NKAIN1: variants seen among roughly 807,000 people sequenced by gnomAD.
The protein encoded by NKAIN1 is sodium/potassium transporting ATPase interacting 1.
NKAIN1 carries 13 observed loss-of-function variants against 31.6 expected under a neutral mutation model. That is an observed-to-expected ratio of 0.41 (90% CI 0.27 to 0.65). The LOEUF is 0.65. NKAIN1 is among the 30% of genes least tolerant of loss of function. NKAIN1 has a pLI of 0.30. For synonymous variants in NKAIN1, 104 were observed against 109.0 expected, an observed-to-expected ratio of 0.95 and a Z score of 0.28; for missense variants, 193 against 262.2, an observed-to-expected ratio of 0.74 and a Z score of 1.82.
At chr1:31,183,436 C>CTTTTTTTTTTTTTTTTTTTTTTTTTTTTT (rs3046278) in intron 4 of NKAIN1, among the ~76,000 whole-genome samples, 1 of 106,718 alleles carries the variant, frequency 9.4e-6, no homozygotes, top group East Asian at 3.4e-4. Flanking sequence ...TTCATTCCCT[C>CTTTTTTTTTTTTTTTTTTTTTTTTTTTTT]TTTTTTTTTT....
At position 31,209,989 on chromosome 1, in the gene NKAIN1, T is replaced by TTAA. The variant is rs1338333014; in HGVS notation, c.55-21803_55-21802insTTA. Among the ~76,000 whole-genome samples, 3 of 137,180 alleles carry TTAA rather than the reference T, an allele frequency of 2.2e-5. No individual in the cohort carries two copies. The East Asian group carries it at 6.4e-4, about 29-fold the overall frequency. The allele number at this position is 137,180 out of a possible 152,430, so 90.0% of individuals were successfully genotyped here. On this transcript the variant is annotated intron_variant, in intron 1 of 6. Coordinates refer to ENST00000373736, the MANE Select transcript of NKAIN1 (RefSeq NM_024522.3). Reference sequence around the variant, plus strand: ...GCAACAGAGCATGACCCTGTCTTATTAAAAAAAAAAAAAAAAGATAAGAAT... The same window carrying TTAA: ...GCAACAGAGCATGACCCTGTCTTATTTAAAAAAAAAAAAAAAAAAGATAAGAAT...
chr1:31,202,418 C>T (rs1439875905), intron 1 of NKAIN1, among the ~76,000 whole-genome samples: 1 of 152,202 alleles, frequency 6.6e-6, no homozygotes, highest in Non-Finnish European at 1.5e-5. Context: ...TCATTCATCT[C>T]TGTATTCCCA....
At chr1:31,225,973 T>C (rs1645600970) in intron 1 of NKAIN1, among the ~76,000 whole-genome samples, 1 of 152,264 alleles carries the variant, frequency 6.6e-6, no homozygotes, top group East Asian at 1.9e-4. Flanking sequence ...ACTCAACTTA[T>C]GCTTCTTGAG....
rs180919713 is a variant in NKAIN1 at position 31,225,489 on chromosome 1, T to C, written c.54+14005A>G. On this transcript the variant is annotated intron_variant, in intron 1 of 6. Transcript: ENST00000373736. Reference sequence around the variant, plus strand: ...GACTACAGGCACCCACCGACATGCCTGGCTAATTTTTGTATTTTTAGTAGA... The same window carrying C: ...GACTACAGGCACCCACCGACATGCCCGGCTAATTTTTGTATTTTTAGTAGA... Among the ~76,000 whole-genome samples the C allele has an allele frequency of 2.2e-3, 330 of 151,814 alleles. 1 individual carries two copies. The highest frequency in any genetic ancestry group is 1.8e-3 in the Non-Finnish European group (125 of 67,914).
At position 31,183,919 on chromosome 1, in the gene NKAIN1, G is replaced by A. The variant is rs1398506466; in HGVS notation, c.369C>T (p.Ser123=). 6.2e-6 allele frequency: 10 copies of A among 1,614,008 alleles called. No individual in the cohort carries two copies. The East Asian group carries it at 2.0e-4, about 32-fold the overall frequency. The part of the protein sequence containing the change: ...PGCLVTPVLN[S]RLALEDHHVI... ...CATGGTGGTCCTCCAGAGCCAGGCG[G>A]GAGTTCAGAACAGGTGTCACCAGGC... is the stretch of plus-strand genomic sequence containing the variant. The change falls in exon 4 of 7, where the codon TCC becomes TCT. Residue 123 remains serine, a synonymous_variant. Coordinates refer to ENST00000373736, the MANE Select transcript of NKAIN1 (RefSeq NM_024522.3).
intron 1 of NKAIN1, among the ~76,000 whole-genome samples, chr1:31,222,679 GAAC>G (rs1436008873): frequency 6.6e-6 from 1 of 152,170 alleles, no homozygotes. Context: ...AGGAAGCTCA[GAAC>G]AACTGAGGCC....
At chr1:31,230,878 A>ATTTTT (rs35096054) in intron 1 of NKAIN1, among the ~76,000 whole-genome samples, 2 of 79,284 alleles carry the variant, frequency 2.5e-5, no homozygotes, top group Non-Finnish European at 5.0e-5. Context: ...TCTTTGGGTT[A>ATTTTT]TTTTTTTTTT....
chr1:31,186,006 T>C (rs1433525032), intron 2 of NKAIN1, among the ~76,000 whole-genome samples: 1 of 150,006 alleles, frequency 6.7e-6, no homozygotes, highest in African/African-American at 2.5e-5. Flanking sequence ...GGTGGGCAGA[T>C]CATTTGAGCT....
At chr1:31,187,084 C>T (rs1383708779) in intron 2 of NKAIN1, among the ~76,000 whole-genome samples, 1 of 152,176 alleles carries the variant, frequency 6.6e-6, no homozygotes, top group Non-Finnish European at 1.5e-5. Flanking sequence ...TCTCTTATGT[C>T]AGATGAGAGA....
At chr1:31,209,237 T>C (rs1466484978) in intron 1 of NKAIN1, among the ~76,000 whole-genome samples, 2 of 152,172 alleles carry the variant, frequency 1.3e-5, no homozygotes, top group Non-Finnish European at 2.9e-5. Context: ...TAGCTGGGCT[T>C]GGTGGTGGGC....
chr1:31,218,938 A>G (rs1645538526), intron 1 of NKAIN1, among the ~76,000 whole-genome samples: 1 of 152,196 alleles, frequency 6.6e-6, no homozygotes, highest in Non-Finnish European at 1.5e-5. Context: ...ACAGGCAGTG[A>G]CAGGCTGAGC....
At chr1:31,222,412 C>T (rs1266891622) in intron 1 of NKAIN1, among the ~76,000 whole-genome samples, 13 of 152,170 alleles carry the variant, frequency 8.5e-5, no homozygotes, top group Non-Finnish European at 1.9e-4. Flanking sequence ...ACCTGTCACT[C>T]AGATAAAGGG....
chr1:31,215,832 C>G (rs1645507625), intron 1 of NKAIN1, among the ~76,000 whole-genome samples: 1 of 152,194 alleles, frequency 6.6e-6, no homozygotes, highest in Non-Finnish European at 1.5e-5. Context: ...TTCAGAATAC[C>G]TGGCTCTGAC....
intron 1 of NKAIN1, among the ~76,000 whole-genome samples, chr1:31,203,939 G>A (rs1422903758): frequency 1.3e-5 from 2 of 152,082 alleles, no homozygotes; most frequent in African/African-American, 2.4e-5. Flanking sequence ...AACTGATGGC[G>A]ACAAATGAGC....
intron 1 of NKAIN1, among the ~76,000 whole-genome samples, chr1:31,224,554 A>G (rs980944779): frequency 2.0e-5 from 3 of 152,270 alleles, no homozygotes; most frequent in African/African-American, 7.2e-5. Context: ...CTAGCTGTAC[A>G]TACAAACACA....
chr1:31,229,303 G>A (rs917403449), intron 1 of NKAIN1, among the ~76,000 whole-genome samples: 4 of 152,158 alleles, frequency 2.6e-5, no homozygotes, highest in African/African-American at 9.7e-5. Context: ...AGCTGGAGGT[G>A]AGTGATGGGC....
chr1:31,188,842 G>A (rs1040009214), intron 1 of NKAIN1, among the ~76,000 whole-genome samples: 22 of 152,010 alleles, frequency 1.4e-4, no homozygotes, highest in South Asian at 2.1e-4. Context: ...GTGAAACCCC[G>A]TCTCAACAAA....
At chr1:31,183,333 A>G (rs961759605) in intron 4 of NKAIN1, among the ~76,000 whole-genome samples, 1 of 149,510 alleles carries the variant, frequency 6.7e-6, no homozygotes, top group Non-Finnish European at 1.5e-5. Context: ...AAACCTGTTC[A>G]CTCTGCACAG....
chr1:31,197,545 C>CTTTTTTTTTTTT (rs754860679), intron 1 of NKAIN1, among the ~76,000 whole-genome samples: 2 of 111,384 alleles, frequency 1.8e-5, no homozygotes, highest in African/African-American at 3.4e-5. Context: ...CGTGCCCGGC[C>CTTTTTTTTTTTT]TTTTTTTTTT....
Sources: allele counts gnomAD v4.1 joint callset (sites outside exome capture counted in the v4.1 genomes callset), GRCh38; gene constraint gnomAD v4.1.1; transcripts MANE v1.5; gene names NCBI Gene and HGNC (gene_info 2026-07-23, HGNC 2026-07-21).